TIAM2: variants seen among roughly 807,000 people sequenced by gnomAD.
TIAM2 encodes rho guanine nucleotide exchange factor TIAM2.
A neutral mutation model predicts 152.9 loss-of-function variants in TIAM2; 80 were observed. The observed-to-expected ratio is 0.52, with a 90% CI of 0.44 to 0.63. The LOEUF is 0.63. Ranked by LOEUF, TIAM2 falls within the 30% of genes least tolerant of loss-of-function variation. The pLI, the probability that TIAM2 is intolerant of heterozygous loss-of-function variation, is 0.00. For missense variants in TIAM2, 1,965 were observed against 2,120.1 expected (o/e 0.93, Z 1.44); for synonymous variants, 804 against 838.0 (o/e 0.96, Z 0.70).
intron 1 of TIAM2, among the ~76,000 whole-genome samples, chr6:155,083,797 G>A (rs182817841): frequency 6.6e-6 from 1 of 152,314 alleles, no homozygotes; most frequent in East Asian, 1.9e-4. Context: ...CTTGGCAAGG[G>A]ATGGCATAGT....
At chr6:155,171,148 G>A (rs576913364) in intron 9 of TIAM2, among the ~76,000 whole-genome samples, 5 of 152,296 alleles carry the variant, frequency 3.3e-5, no homozygotes, top group South Asian at 4.2e-4. Context: ...GGGAGGGGCC[G>A]TGTGCATTTT....
At chr6:155,069,634 C>T (rs957946140) in intron 1 of TIAM2, among the ~76,000 whole-genome samples, 1 of 152,060 alleles carries the variant, frequency 6.6e-6, no homozygotes, top group Non-Finnish European at 1.5e-5. Context: ...AAAGCTTGAT[C>T]ATTGTATACA....
intron 15 of TIAM2, among the ~76,000 whole-genome samples, chr6:155,239,705 G>T (rs1323201180): frequency 6.6e-6 from 1 of 152,146 alleles, no homozygotes; most frequent in Non-Finnish European, 1.5e-5. Context: ...TCCCATGACT[G>T]GGAGCGAGTA....
intron 1 of TIAM2, among the ~76,000 whole-genome samples, chr6:154,999,139 A>T (rs1191778671): frequency 6.6e-6 from 1 of 152,082 alleles, no homozygotes; most frequent in Non-Finnish European, 1.5e-5. Flanking sequence ...GTATTGGTTA[A>T]ACTTTATGGG....
chr6:155,226,165 C>T (rs1324458880), intron 15 of TIAM2, among the ~76,000 whole-genome samples: 1 of 152,186 alleles, frequency 6.6e-6, no homozygotes, highest in African/African-American at 2.4e-5. Flanking sequence ...TGTCTCCCTG[C>T]CCCCATCCCA....
chr6:155,096,374 T>G (rs1778420744), intron 2 of TIAM2, among the ~76,000 whole-genome samples: 1 of 152,178 alleles, frequency 6.6e-6, no homozygotes, highest in Non-Finnish European at 1.5e-5. Context: ...AACTATTCTT[T>G]TATAGCTTGT....
intron 14 of TIAM2, among the ~76,000 whole-genome samples, chr6:155,209,298 G>A (rs570036014): frequency 6.6e-6 from 1 of 152,258 alleles, no homozygotes; most frequent in Admixed American, 6.5e-5. Context: ...TACTCAAGAA[G>A]TATGTGTTGA....
Position 155,156,911 on chromosome 6 carries a change from C to T in TIAM2, c.2029-7504C>T, listed in dbSNP as rs1197230371. Reference sequence around the variant, plus strand: ...ACTGTCATGAAGGGTTTAGGGGTCGCTTCCTCCAAGGCGCTGTCCTTGATC... The same window carrying T: ...ACTGTCATGAAGGGTTTAGGGGTCGTTTCCTCCAAGGCGCTGTCCTTGATC... On this transcript the variant is annotated intron_variant, in intron 7 of 26. Transcript: ENST00000682666. This position sits in a 1 kb window ranked among gnomAD's most constrained non-coding sequence, Gnocchi z 4.4. Among the ~76,000 whole-genome samples the T allele has an allele frequency of 2.0e-5, 3 of 152,176 alleles. No homozygotes were observed. Among genetic ancestry groups the T allele is most frequent in the Non-Finnish European group, 2.9e-5 (2 of 68,028 alleles).
intron 2 of TIAM2, among the ~76,000 whole-genome samples, chr6:155,123,359 C>G (rs1480520109): frequency 6.6e-6 from 1 of 152,098 alleles, no homozygotes; most frequent in African/African-American, 2.4e-5. Context: ...CTGTCATACC[C>G]AGTAAGGAGG....
chr6:155,056,150 A>G (rs1243271292), intron 1 of TIAM2, among the ~76,000 whole-genome samples: 2 of 137,490 alleles, frequency 1.5e-5, no homozygotes, highest in East Asian at 4.1e-4. Context: ...GTTCTAATGG[A>G]TCTCCTTATT....
chr6:155,083,830 A>G (rs989670718), intron 1 of TIAM2, among the ~76,000 whole-genome samples: 1 of 152,232 alleles, frequency 6.6e-6, no homozygotes, highest in Non-Finnish European at 1.5e-5. Flanking sequence ...AAAGTCTTAT[A>G]TGCTGGACAA....
At chr6:155,017,943 A>C (rs1778626069) in intron 1 of TIAM2, among the ~76,000 whole-genome samples, 1 of 152,200 alleles carries the variant, frequency 6.6e-6, no homozygotes, top group Admixed American at 6.5e-5. Flanking sequence ...GGTCACCACC[A>C]CTGAGGTGTG....
chr6:155,038,950 G>A (rs1776970224), intron 1 of TIAM2, among the ~76,000 whole-genome samples: 1 of 100,520 alleles, frequency 9.9e-6, no homozygotes, highest in Admixed American at 1.1e-4. Flanking sequence ...CTGTGAGCAT[G>A]TCCTTTTTTT....
intron 1 of TIAM2, among the ~76,000 whole-genome samples, chr6:155,020,108 T>C (rs1436439275): frequency 6.6e-6 from 1 of 151,634 alleles, no homozygotes; most frequent in Non-Finnish European, 1.5e-5. Flanking sequence ...TCAGGCTGGG[T>C]TCTTCAGGTT....
Position 155,165,202 on chromosome 6 carries a change from AT to A in TIAM2, c.2215-55del, listed in dbSNP as rs1780391807. 5 of 1,524,088 alleles carry A rather than the reference AT, an allele frequency of 3.3e-6. No homozygotes were observed. The African/African-American group carries it at 4.2e-5, about 13-fold the overall frequency. 94.4% of individuals were successfully genotyped at this position (1,524,088 alleles called of 1,614,324 possible). The stretch of plus-strand genomic sequence containing the variant: ...ATAGCAAGCAGAGCTCACTTCCTTC[AT>A]TTTTTCTGCCACTCAAATACTAAGC... On this transcript the variant is annotated intron_variant, in intron 8 of 26. Transcript: ENST00000682666.
intron 14 of TIAM2, among the ~76,000 whole-genome samples, chr6:155,192,494 G>A (rs1781230620): frequency 6.6e-6 from 1 of 152,144 alleles, no homozygotes. Context: ...CTTTAGTTAT[G>A]CGGGCCACAT....
At chr6:155,242,827 C>T (rs775458285) in intron 16 of TIAM2, among the ~76,000 whole-genome samples, 7 of 152,108 alleles carry the variant, frequency 4.6e-5, no homozygotes, top group Non-Finnish European at 1.0e-4. Context: ...CCTCCACCTC[C>T]TGAGTTCAAG....
rs959951425 is a variant in TIAM2, at chr6:155,054,587, G to T, written c.-208-35702G>T. Reference sequence around the variant, plus strand: ...ACAGAGTTTTGTTTTGTTTTGTTTTGTTTTTTTTTTTTGAGACGGAGTCTC... The same window carrying T: ...ACAGAGTTTTGTTTTGTTTTGTTTTTTTTTTTTTTTTTGAGACGGAGTCTC... On this transcript the variant is annotated intron_variant, in intron 1 of 26. Transcript: ENST00000682666. Among the ~76,000 whole-genome samples the T allele has an allele frequency of 5.2e-4, 60 of 115,994 alleles. 1 individual carries two copies. Among genetic ancestry groups the T allele is most frequent in the Middle Eastern group, 0.011 (2 of 174 alleles). The allele number at this position is 115,994 out of a possible 152,430, so 76.1% of individuals were successfully genotyped here.
chr6:155,127,620 C>T lies in TIAM2; in HGVS notation c.-7+20C>T, dbSNP rs1779327628. 2.2e-6 allele frequency: 1 copy of T among 455,852 alleles called. No homozygotes were observed. Among genetic ancestry groups the T allele is most frequent in the Admixed American group, 2.4e-5 (1 of 42,536 alleles). The allele number at this position is 455,852 out of a possible 1,614,324, so 28.2% of individuals were successfully genotyped here. On this transcript the variant is annotated intron_variant, in intron 3 of 26. Transcript: ENST00000682666. ...CGTCAGGTAAACCCAACCCTTGTGC[C>T]TGGGGGTCACGTCAAGTTGCATGAC...
Sources: allele counts gnomAD v4.1 joint callset (sites outside exome capture counted in the v4.1 genomes callset), GRCh38; gene constraint gnomAD v4.1.1; non-coding constraint Gnocchi (gnomAD v3.1); transcripts MANE v1.5; gene names NCBI Gene and HGNC (gene_info 2026-07-23, HGNC 2026-07-21).